The following DUSP16 variants were observed in gnomAD, a reference collection of about 807,000 sequenced individuals.
The protein encoded by DUSP16 is dual specificity protein phosphatase 16.
A neutral mutation model predicts 58.3 loss-of-function variants in DUSP16; 21 were observed. That is an observed-to-expected ratio of 0.36 (90% CI 0.26 to 0.52). The LOEUF is 0.52. DUSP16 is among the 20% of genes least tolerant of loss of function. The probability of loss-of-function intolerance (pLI) is 0.94; values close to 1 mark genes in which losing one functional copy is unlikely to be tolerated. For synonymous variants in DUSP16, 320 were observed against 323.8 expected, an observed-to-expected ratio of 0.99 and a Z score of 0.12; for missense variants, 726 against 819.0, an observed-to-expected ratio of 0.89 and a Z score of 1.39.
chr12:12,485,646 G>A (rs1336264411), intron 5 of DUSP16, among the ~76,000 whole-genome samples: 1 of 152,018 alleles, frequency 6.6e-6, no homozygotes, highest in Non-Finnish European at 1.5e-5. Context: ...GAGTAGGCGG[G>A]ACCACAGGTG....
chr12:12,479,098 TAAAA>T (rs35305281), intron 6 of DUSP16, among the ~76,000 whole-genome samples: 1 of 151,794 alleles, frequency 6.6e-6, no homozygotes, highest in African/African-American at 2.4e-5. Context: ...ACCACTATGT[TAAAA>T]AAAAGATTCA....
chr12:12,531,043 T>C (rs1276904120), intron 1 of DUSP16, among the ~76,000 whole-genome samples: 1 of 152,172 alleles, frequency 6.6e-6, no homozygotes, highest in Non-Finnish European at 1.5e-5. Context: ...CCTCCTTTAG[T>C]CCACACCAGC....
chr12:12,531,550 C>T (rs1944384713), intron 1 of DUSP16, among the ~76,000 whole-genome samples: 1 of 152,096 alleles, frequency 6.6e-6, no homozygotes, highest in Non-Finnish European at 1.5e-5. Context: ...ATATCAAATA[C>T]ATGTTAAGCA....
At chr12:12,485,932 T>C (rs1019825714) in intron 5 of DUSP16, among the ~76,000 whole-genome samples, 3 of 151,850 alleles carry the variant, frequency 2.0e-5, no homozygotes, top group African/African-American at 7.3e-5. Context: ...CAGCTGGGAC[T>C]ACAGGTTCCT....
chr12:12,530,661 T>C (rs1944370405), intron 1 of DUSP16, among the ~76,000 whole-genome samples: 2 of 152,294 alleles, frequency 1.3e-5, no homozygotes, highest in Middle Eastern at 3.4e-3. Context: ...GTGGTTCCTA[T>C]ACAGTGCATT....
chr12:12,494,968 G>A (rs17312926), intron 4 of DUSP16, among the ~76,000 whole-genome samples: 43,852 of 151,932 alleles, frequency 0.29, 7,137 homozygotes, highest in Non-Finnish European at 0.35. Context: ...CATGGGTAAC[G>A]GCCCCAGAAA....
At chr12:12,525,902 C>T (rs959404261) in intron 1 of DUSP16, among the ~76,000 whole-genome samples, 3 of 151,950 alleles carry the variant, frequency 2.0e-5, no homozygotes, top group African/African-American at 7.3e-5. Flanking sequence ...TTAGAGAGTA[C>T]CCTCTATAAC....
At chr12:12,551,723 C>T (rs1442489584) in intron 1 of DUSP16, among the ~76,000 whole-genome samples, 9 of 146,200 alleles carry the variant, frequency 6.2e-5, no homozygotes, top group African/African-American at 1.3e-4. Flanking sequence ...GATGGAATAT[C>T]GCTCTGTTAC....
At chr12:12,495,997 G>A (rs986864626) in intron 4 of DUSP16, among the ~76,000 whole-genome samples, 11 of 152,194 alleles carry the variant, frequency 7.2e-5, no homozygotes, top group Non-Finnish European at 1.6e-4. Context: ...GAGTTATTGT[G>A]GCGTGTAGGT....
chr12:12,527,924 GA>G (rs1944328409), intron 1 of DUSP16, among the ~76,000 whole-genome samples: 1 of 152,196 alleles, frequency 6.6e-6, no homozygotes, highest in Admixed American at 6.5e-5. Context: ...ATAAAGGCTG[GA>G]ATAGCAGTCA....
chr12:12,521,215 G>A lies in DUSP16; in HGVS notation c.-117C>T. On this transcript the variant is annotated 5_prime_UTR_variant, in exon 2 of 7. Transcript: ENST00000298573. ...ACTAAAAGTGTATGAGGTCAGGCTG[G>A]TGGTGACTGGCAAAAGGAGAGTTAA... 1 of 1,484,994 alleles carries A rather than the reference G, an allele frequency of 6.7e-7. No individual in the cohort carries two copies. Among genetic ancestry groups the A allele is most frequent in the Non-Finnish European group, 8.9e-7 (1 of 1,119,542 alleles). 92.0% of individuals were successfully genotyped at this position (1,484,994 alleles called of 1,614,324 possible). A position where few individuals can be genotyped will look rare whatever the true frequency, so the allele number is the denominator to read the frequency against.
intron 3 of DUSP16, among the ~76,000 whole-genome samples, chr12:12,514,743 G>A (rs775395529): frequency 6.6e-6 from 1 of 152,032 alleles, no homozygotes; most frequent in South Asian, 2.1e-4. Flanking sequence ...ATCACGGCTC[G>A]CTGCAACCTC....
chr12:12,479,609 G>A (rs1011476826), intron 6 of DUSP16, among the ~76,000 whole-genome samples: 4 of 152,116 alleles, frequency 2.6e-5, no homozygotes, highest in African/African-American at 9.7e-5. Flanking sequence ...CCTGCTCCAT[G>A]AGTCTCTATA....
At chr12:12,510,094 T>A (rs907786071) in intron 3 of DUSP16, among the ~76,000 whole-genome samples, 1 of 152,084 alleles carries the variant, frequency 6.6e-6, no homozygotes, top group Non-Finnish European at 1.5e-5. Context: ...TGCCCCTAAA[T>A]GGCGCAGGAC....
intron 3 of DUSP16, among the ~76,000 whole-genome samples, chr12:12,502,606 C>T (rs576005750): frequency 9.6e-5 from 14 of 145,596 alleles, no homozygotes; most frequent in African/African-American, 3.6e-4. Context: ...GGCTAGAGTG[C>T]GATGGCATGA....
intron 1 of DUSP16, among the ~76,000 whole-genome samples, chr12:12,525,542 G>A (rs986014317): frequency 1.3e-5 from 2 of 151,980 alleles, no homozygotes; most frequent in African/African-American, 4.8e-5. Context: ...GGGATTACAG[G>A]TGTGAGCCAC....
intron 4 of DUSP16, among the ~76,000 whole-genome samples, chr12:12,489,355 G>A (rs1162404698): frequency 6.6e-6 from 1 of 152,148 alleles, no homozygotes; most frequent in East Asian, 1.9e-4. Flanking sequence ...TTTTCTATGT[G>A]TGAACCCAAG....
Position 12,522,470 on chromosome 12 carries a change from C to T in DUSP16, c.-365-1007G>A, listed in dbSNP as rs182185760. Among the ~76,000 whole-genome samples the T allele has an allele frequency of 2.4e-3, 367 of 152,240 alleles. 3 individuals are homozygous for T. Among genetic ancestry groups the T allele is most frequent in the African/African-American group, 7.5e-3 (312 of 41,552 alleles). ...ACTTCACCTTGACCTTCAATACTCT[C>T]GGATTCCTATCTCCCCTGGTCCATC... On this transcript the variant is annotated intron_variant, in intron 1 of 6. Transcript: ENST00000298573.
At chr12:12,495,008 T>C (rs1029600256) in intron 4 of DUSP16, among the ~76,000 whole-genome samples, 4 of 152,106 alleles carry the variant, frequency 2.6e-5, no homozygotes, top group Non-Finnish European at 5.9e-5. Flanking sequence ...GCATTACCAC[T>C]CATCGCCTGG....
Sources: gnomAD v4.1 joint callset for allele counts (sites outside exome capture counted in the v4.1 genomes callset) on GRCh38, gnomAD v4.1.1 for gene constraint, MANE v1.5 for transcripts, NCBI Gene and HGNC (gene_info 2026-07-23, HGNC 2026-07-21) for gene names.